Variants in RUNX1T1 observed in about 807,000 individuals in gnomAD.
The protein encoded by RUNX1T1 is protein CBFA2T1.
RUNX1T1 carries 4 observed loss-of-function variants against 62.8 expected under a neutral mutation model. The ratio of observed to expected loss-of-function variants is 0.06; its 90% CI spans 0.03 to 0.15. RUNX1T1 has a LOEUF of 0.15. Ranked by LOEUF, RUNX1T1 falls within the 10% of genes least tolerant of loss-of-function variation. The pLI is 1.00. For synonymous variants in RUNX1T1, 291 were observed against 286.0 expected (o/e 1.02, Z -0.18); for missense variants, 508 against 754.3 (o/e 0.67, Z 3.82).
intron 4 of RUNX1T1, among the ~76,000 whole-genome samples, chr8:92,008,338 T>A (rs1821228407): frequency 6.6e-6 from 1 of 151,398 alleles, no homozygotes; most frequent in African/African-American, 2.4e-5. Context: ...ACATTCTTCT[T>A]ATCAAAAAGA....
chr8:92,074,206 T>A (rs1834090257), intron 2 of RUNX1T1, among the ~76,000 whole-genome samples: 1 of 152,226 alleles, frequency 6.6e-6, no homozygotes, highest in Non-Finnish European at 1.5e-5. Context: ...GTTCCGTACA[T>A]GAATAACAAA....
chr8:91,965,237 A>G (rs1811328017), intron 10 of RUNX1T1, among the ~76,000 whole-genome samples: 1 of 152,176 alleles, frequency 6.6e-6, no homozygotes, highest in African/African-American at 2.4e-5. Context: ...ATACTTCATT[A>G]GTGACTAATA....
intron 1 of RUNX1T1, chr8:92,095,362 C>G (rs1339195738): frequency 6.5e-7 from 1 of 1,535,068 alleles, no homozygotes. Context: ...GGCAAAGGAG[C>G]GCGGGAGAGC....
chr8:91,989,649 A>T (rs1196505554), intron 6 of RUNX1T1, among the ~76,000 whole-genome samples: 1 of 152,220 alleles, frequency 6.6e-6, no homozygotes, highest in Non-Finnish European at 1.5e-5. Context: ...TTGCTAACAC[A>T]TCTACAAAAT....
intron 1 of RUNX1T1, among the ~76,000 whole-genome samples, chr8:92,087,190 T>TC (rs1460036572): frequency 1.3e-5 from 2 of 152,212 alleles, no homozygotes; most frequent in African/African-American, 4.8e-5. Context: ...CCATCCCACC[T>TC]CCCAACCCTG....
intron 3 of RUNX1T1, among the ~76,000 whole-genome samples, chr8:92,012,493 G>T (rs568922949): frequency 6.6e-6 from 1 of 151,950 alleles, no homozygotes; most frequent in African/African-American, 2.4e-5. Context: ...GCACCGATGC[G>T]AATGCATTGG....
Position 92,026,271 on chromosome 8 carries a change from T to C in RUNX1T1, c.8-8908A>G, listed in dbSNP as rs147615660. On this transcript the variant is annotated intron_variant, in intron 1 of 10. Transcript: ENST00000396218. ...CAGCTACAATCAGGCTTAGGCATTG[T>C]GCCAAATGTTGGGCATGGTTTATCT... Among the ~76,000 whole-genome samples the C allele has an allele frequency of 2.1e-3, 325 of 152,336 alleles. 3 individuals carry two copies. The highest frequency in any genetic ancestry group is 2.1e-3 in the Non-Finnish European group (143 of 68,034).
intron 1 of RUNX1T1, among the ~76,000 whole-genome samples, chr8:92,032,598 G>C (rs967417247): frequency 2.6e-5 from 4 of 152,128 alleles, no homozygotes; most frequent in African/African-American, 9.7e-5. Context: ...GGGCAACAAT[G>C]GATTGATAGC....
rs868474211 is a variant in RUNX1T1 at position 92,079,884 on chromosome 8, G to A, written c.-85-3747C>T. The stretch of plus-strand genomic sequence containing the variant: ...CGGCCCTTCCCATAGACTGCTGCAC[G>A]GCCAGTTCTTCCTCAACCCTCAGGC... On this transcript the variant is annotated intron_variant, in intron 1 of 11. Coordinates refer to the RUNX1T1 transcript ENST00000265814. Among the ~76,000 whole-genome samples, 8 of 151,996 alleles carry A rather than the reference G, an allele frequency of 5.3e-5. No homozygotes were observed. In the East Asian group the frequency reaches 1.2e-3, roughly 22 times the overall value.
chr8:92,061,680 G>C (rs4316190), intron 1 of RUNX1T1, among the ~76,000 whole-genome samples: 4,293 of 152,284 alleles, frequency 0.028, 201 homozygotes, highest in African/African-American at 0.096. Context: ...CATCTGTGAG[G>C]TGTACAAACT....
At chr8:92,077,191 C>G (rs533339981) in intron 1 of RUNX1T1, among the ~76,000 whole-genome samples, 1 of 152,144 alleles carries the variant, frequency 6.6e-6, no homozygotes, top group East Asian at 1.9e-4. Flanking sequence ...GTTTCTTGCT[C>G]TTTAAGGTTT....
chr8:92,071,855 A>G (rs1162230074), intron 2 of RUNX1T1, among the ~76,000 whole-genome samples: 1 of 152,224 alleles, frequency 6.6e-6, no homozygotes, highest in African/African-American at 2.4e-5. Context: ...TGCCCGGAGC[A>G]TCAACAGAAC....
chr8:92,072,403 C>T (rs1833821239), intron 2 of RUNX1T1, among the ~76,000 whole-genome samples: 1 of 152,102 alleles, frequency 6.6e-6, no homozygotes, highest in Non-Finnish European at 1.5e-5. Flanking sequence ...GAATATCAAA[C>T]ATATCCTTTA....
chr8:92,075,079 T>G (rs1423834487), intron 2 of RUNX1T1, among the ~76,000 whole-genome samples: 4 of 152,198 alleles, frequency 2.6e-5, no homozygotes, highest in Non-Finnish European at 5.9e-5. Context: ...AGCAGTGATG[T>G]TTCCAGAACA....
exon 11 of RUNX1T1, chr8:91,959,193 C>A: frequency 4.6e-6 from 1 of 217,092 alleles, no homozygotes. Context: ...ATTAAAAATC[C>A]AAACAGGGTG....
chr8:91,983,460 A>T (rs1317621513), intron 8 of RUNX1T1, among the ~76,000 whole-genome samples: 1 of 152,200 alleles, frequency 6.6e-6, no homozygotes, highest in African/African-American at 2.4e-5. Context: ...TTTCCAAGTT[A>T]GGGATATAAG....
intron 6 of RUNX1T1, among the ~76,000 whole-genome samples, chr8:91,989,635 C>A (rs1441699259): frequency 1.3e-5 from 2 of 152,158 alleles, no homozygotes; most frequent in Non-Finnish European, 1.5e-5. Flanking sequence ...AAGAAACAGG[C>A]CATTTGCTAA....
At chr8:92,067,668 C>T (rs1833066883), upstream of RUNX1T1, among the ~76,000 whole-genome samples, 1 of 152,018 alleles carries the variant, frequency 6.6e-6, no homozygotes, top group African/African-American at 2.4e-5. Context: ...GTACAATGTC[C>T]TCTTATACAT....
intron 5 of RUNX1T1, among the ~76,000 whole-genome samples, chr8:92,004,107 TCA>T (rs1356476718): frequency 6.6e-6 from 1 of 152,212 alleles, no homozygotes; most frequent in Non-Finnish European, 1.5e-5. Flanking sequence ...GCTAAGTCAG[TCA>T]CAAATAGATG....
Sources: allele counts gnomAD v4.1 joint callset (sites outside exome capture counted in the v4.1 genomes callset), GRCh38; gene constraint gnomAD v4.1.1; transcripts MANE v1.5; gene names NCBI Gene and HGNC (gene_info 2026-07-23, HGNC 2026-07-21).